Variants in TCF4 observed in about 807,000 individuals in gnomAD.
TCF4 encodes transcription factor 4.
Under a neutral mutation model 82.1 loss-of-function variants are expected in TCF4, and 3 were observed. The ratio of observed to expected loss-of-function variants is 0.04; its 90% CI spans 0.02 to 0.09. TCF4 has a LOEUF of 0.09. Ranked by LOEUF, TCF4 falls within the 10% of genes least tolerant of loss-of-function variation. The pLI is 1.00. For synonymous variants in TCF4, 276 were observed against 309.6 expected (o/e 0.89, Z 1.14); for missense variants, 518 against 852.7 (o/e 0.61, Z 4.89).
At chr18:55,302,737 C>T in intron 8 of TCF4, 1 of 887,662 alleles carries the variant, frequency 1.1e-6, no homozygotes, top group Non-Finnish European at 1.6e-6. Flanking sequence ...GCCCAGCCAC[C>T]CAAATGACCA....
At chr18:55,383,787 C>G (rs986759861) in intron 6 of TCF4, 2 of 152,262 alleles carry the variant, frequency 1.3e-5, no homozygotes, top group African/African-American at 4.8e-5. Context: ...GAGTAACCCT[C>G]ATCCAAACTA....
chr18:55,631,683 CTAT>C (rs1371394500), intron 1 of TCF4, among the ~76,000 whole-genome samples: 1 of 152,184 alleles, frequency 6.6e-6, no homozygotes, highest in African/African-American at 2.4e-5. Flanking sequence ...AAGATTCAGT[CTAT>C]TGAGTTCTGA....
At chr18:55,258,570 T>A (rs1035361657) in intron 13 of TCF4, among the ~76,000 whole-genome samples, 2 of 152,200 alleles carry the variant, frequency 1.3e-5, no homozygotes, top group African/African-American at 4.8e-5. Context: ...ACTCCCTTTT[T>A]GGGACTCAGT....
chr18:55,306,982 A>G (rs1277131147), intron 8 of TCF4, among the ~76,000 whole-genome samples: 1 of 152,250 alleles, frequency 6.6e-6, no homozygotes, highest in Admixed American at 6.5e-5. Flanking sequence ...GCTCATTATA[A>G]TTAGGAACCA....
chr18:55,319,869 C>A (rs1054733936), intron 8 of TCF4, among the ~76,000 whole-genome samples: 3 of 152,050 alleles, frequency 2.0e-5, no homozygotes, highest in Non-Finnish European at 4.4e-5. Flanking sequence ...AAAATTTTGT[C>A]AGTTCAGATA....
chr18:55,432,549 G>T (rs138129694), intron 5 of TCF4, among the ~76,000 whole-genome samples: 305 of 152,194 alleles, frequency 2.0e-3, no homozygotes, highest in African/African-American at 6.8e-3. Flanking sequence ...GCTTGAGCCA[G>T]GATGCAAACT....
At chr18:55,379,744 T>C (rs1169108875) in intron 6 of TCF4, among the ~76,000 whole-genome samples, 3 of 152,158 alleles carry the variant, frequency 2.0e-5, no homozygotes, top group Non-Finnish European at 4.4e-5. Context: ...GATGTCTAAG[T>C]CAATTTAGCT....
intron 15 of TCF4, among the ~76,000 whole-genome samples, chr18:55,246,716 T>C (rs1444165685): frequency 6.6e-6 from 1 of 152,172 alleles, no homozygotes; most frequent in African/African-American, 2.4e-5. Context: ...CTGTCCTTTT[T>C]TTTTTCAGTT....
At chr18:55,462,115 GAA>G (rs1427509004) in intron 4 of TCF4, among the ~76,000 whole-genome samples, 1 of 152,124 alleles carries the variant, frequency 6.6e-6, no homozygotes, top group Admixed American at 6.6e-5. Flanking sequence ...CATGAACAAG[GAA>G]AAGACACATC....
At chr18:55,293,977 T>TG (rs1327434966) in intron 8 of TCF4, among the ~76,000 whole-genome samples, 2 of 139,492 alleles carry the variant, frequency 1.4e-5, no homozygotes, top group Non-Finnish European at 3.1e-5. Flanking sequence ...ATTCATATCT[T>TG]GGCCAGGCAT....
intron 2 of TCF4, among the ~76,000 whole-genome samples, chr18:55,629,992 G>C (rs12104073): frequency 6.6e-6 from 1 of 152,088 alleles, no homozygotes; most frequent in Non-Finnish European, 1.5e-5. Flanking sequence ...TGTATCATTC[G>C]TAGGGAATTC....
chr18:55,449,306 T>C (rs1390223724), intron 5 of TCF4, among the ~76,000 whole-genome samples: 1 of 152,118 alleles, frequency 6.6e-6, no homozygotes, highest in East Asian at 1.9e-4. Context: ...CATCTCAATT[T>C]CCAAATAATA....
intron 6 of TCF4, among the ~76,000 whole-genome samples, chr18:55,360,572 G>A (rs961289532): frequency 6.6e-6 from 1 of 152,064 alleles, no homozygotes; most frequent in African/African-American, 2.4e-5. Context: ...TGGCCATGTG[G>A]TCTCTGTTGA....
chr18:55,325,396 T>C (rs1212335102), intron 8 of TCF4, among the ~76,000 whole-genome samples: 1 of 152,314 alleles, frequency 6.6e-6, no homozygotes, highest in African/African-American at 2.4e-5. Context: ...AGCTGAACTA[T>C]CCACTCGACC....
intron 3 of TCF4, among the ~76,000 whole-genome samples, chr18:55,488,365 C>T (rs1314502418): frequency 6.6e-6 from 1 of 151,784 alleles, no homozygotes; most frequent in East Asian, 1.9e-4. Flanking sequence ...AATATAGAAA[C>T]GATTACATAA....
upstream of TCF4, chr18:55,589,680 C>G (rs1303031266): frequency 2.2e-5 from 23 of 1,036,322 alleles, no homozygotes; most frequent in African/African-American, 5.1e-5. Flanking sequence ...TTAGAGGTGT[C>G]TCATCATCAT....
At chr18:55,457,392 G>C (rs1285234072) in intron 5 of TCF4, among the ~76,000 whole-genome samples, 1 of 152,174 alleles carries the variant, frequency 6.6e-6, no homozygotes, top group Admixed American at 6.5e-5. Context: ...AACCACACAT[G>C]GGTGTTTTAT....
chr18:55,296,832 G>T (rs1433517014), intron 8 of TCF4, among the ~76,000 whole-genome samples: 1 of 152,096 alleles, frequency 6.6e-6, no homozygotes, highest in Non-Finnish European at 1.5e-5. Context: ...TAAGTGTGGG[G>T]GAGTGCACCA....
chr18:55,529,939 C>A (rs756292828), intron 3 of TCF4, among the ~76,000 whole-genome samples: 10 of 152,068 alleles, frequency 6.6e-5, no homozygotes, highest in Non-Finnish European at 1.2e-4. Context: ...AAGGACCTAA[C>A]GCAGTTTTGT....
Sources: allele counts gnomAD v4.1 joint callset (sites outside exome capture counted in the v4.1 genomes callset), GRCh38; gene constraint gnomAD v4.1.1; transcripts MANE v1.5; gene names NCBI Gene and HGNC (gene_info 2026-07-23, HGNC 2026-07-21).